Variants in WDR76 observed in about 807,000 individuals in gnomAD.
The protein encoded by WDR76 is WD repeat domain 76, also known as WD repeat-containing protein 76.
Under a neutral mutation model 70.2 loss-of-function variants are expected in WDR76, and 52 were observed. The ratio of observed to expected loss-of-function variants is 0.74; its 90% CI spans 0.59 to 0.93. WDR76 has a LOEUF of 0.93. Ranked by LOEUF, WDR76 falls within the 40% of genes least tolerant of loss-of-function variation. WDR76 has a pLI of 0.00. For missense variants in WDR76, 756 were observed against 760.2 expected (o/e 0.99, Z 0.07); for synonymous variants, 292 against 271.1 (o/e 1.08, Z -0.76).
At position 43,867,348 on chromosome 15, in the gene WDR76, A is replaced by C. The variant is rs2088086899; in HGVS notation, c.*956A>C. 1 of 152,160 alleles carries C rather than the reference A, an allele frequency of 6.6e-6. No homozygotes were observed. Among genetic ancestry groups the C allele is most frequent in the Non-Finnish European group, 1.5e-5 (1 of 68,038 alleles). 9.4% of individuals were successfully genotyped at this position (152,160 alleles called of 1,614,324 possible). On this transcript the variant is annotated 3_prime_UTR_variant, in exon 13 of 13. Coordinates refer to ENST00000263795, the MANE Select transcript of WDR76 (RefSeq NM_024908.4). ...GCCCTGGTCCCGGCATTCCAGTATAAGATTGCCTCAGACCTGTGTTTTTCA... is the reference window on the plus strand; with the variant it reads ...GCCCTGGTCCCGGCATTCCAGTATACGATTGCCTCAGACCTGTGTTTTTCA...
intron 5 of WDR76, among the ~76,000 whole-genome samples, chr15:43,840,603 G>A (rs1032706248): frequency 6.6e-6 from 1 of 152,116 alleles, no homozygotes; most frequent in Non-Finnish European, 1.5e-5. Context: ...CTGGTGTTTT[G>A]GGAGCAAATT....
At chr15:43,858,165 C>T (rs2087953179) in intron 10 of WDR76, among the ~76,000 whole-genome samples, 1 of 151,774 alleles carries the variant, frequency 6.6e-6, no homozygotes, top group Admixed American at 6.6e-5. Flanking sequence ...ACTCCTGACC[C>T]TGTGATCCAC....
Position 43,842,449 on chromosome 15 carries a change from C to A in WDR76, c.767C>A (p.Ser256Tyr). The change falls in exon 6 of 13, where the codon TCT (serine) becomes TAT (tyrosine). Residue 256 changes from serine (S) to tyrosine (Y), a missense_variant. Coordinates refer to ENST00000263795, the MANE Select transcript of WDR76 (RefSeq NM_024908.4). ...CCTCCTGGGCCTTTAGAAATGACTT[C>A]TGAAAATCAAGAAGACAACAATGAA... ...LLPPGPLEMT[S>Y]ENQEDNNERF... 6.2e-7 allele frequency: 1 copy of A among 1,613,990 alleles called. No individual in the cohort carries two copies. Among genetic ancestry groups the A allele is most frequent in the Non-Finnish European group, 8.5e-7 (1 of 1,179,992 alleles).
Position 43,866,177 on chromosome 15 carries a change from G to T in WDR76, c.1666G>T (p.Asp556Tyr). 6.2e-7 allele frequency: 1 copy of T among 1,614,154 alleles called. No homozygotes were observed. The change falls in exon 13 of 13, where the codon GAT (aspartate) becomes TAT (tyrosine). Residue 556 changes from aspartate (D) to tyrosine (Y), a missense_variant. By Grantham distance (160) the Asp-to-Tyr change is radical (BLOSUM62 -3). Transcript: ENST00000263795. ...RWLTRFQAMW[D>Y]PKQEDCVIVG... ...GCTGACCAGGTTCCAAGCCATGTGG[G>T]ATCCTAAACAAGAAGACTGTGTCAT...
intron 4 of WDR76, among the ~76,000 whole-genome samples, chr15:43,838,269 T>C (rs1482605162): frequency 2.0e-5 from 3 of 152,348 alleles, no homozygotes; most frequent in African/African-American, 7.2e-5. Context: ...CACTGCAGCC[T>C]CTGCCTCCCA....
At chr15:43,830,260 T>TACAGATGTGAGCCACTG (rs1186920169) in intron 2 of WDR76, among the ~76,000 whole-genome samples, 1 of 151,918 alleles carries the variant, frequency 6.6e-6, no homozygotes, top group Admixed American at 6.6e-5. Context: ...TTTGGCCTCT[T>TACAGATGTGAGCCACTG]AGACTGTAAG....
At chr15:43,856,603 C>CT (rs947724840) in intron 9 of WDR76, among the ~76,000 whole-genome samples, 2,239 of 131,718 alleles carry the variant, frequency 0.017, 25 homozygotes, top group Non-Finnish European at 0.024. Flanking sequence ...TGTTTTGTTT[C>CT]TTTTTTTTTT....
intron 12 of WDR76, among the ~76,000 whole-genome samples, chr15:43,862,276 C>CTTTTTTT: frequency 7.1e-5 from 3 of 42,164 alleles, no homozygotes; most frequent in East Asian, 6.9e-4. Flanking sequence ...TTATCAGTTT[C>CTTTTTTT]TTTTTTTTTT....
intron 9 of WDR76, among the ~76,000 whole-genome samples, chr15:43,852,918 C>A (rs1045677824): frequency 1.3e-5 from 2 of 152,068 alleles, no homozygotes; most frequent in African/African-American, 2.4e-5. Context: ...AACAGAGTCT[C>A]GCTCTTGTTG....
chr15:43,856,945 G>C lies in WDR76; in HGVS notation c.1192-1G>C. On this transcript the variant is annotated splice_acceptor_variant, in intron 9 of 12. Transcript: ENST00000263795. LOFTEE classifies it high-confidence loss of function. ...AAGCTGATTGTTACTTATATTCTTA[G>C]GTGTATAGAAATGAAAGAAGTAGCT... 1 of 1,612,518 alleles carries C rather than the reference G, an allele frequency of 6.2e-7. No individual in the cohort carries two copies. The highest frequency in any genetic ancestry group is 8.5e-7 in the Non-Finnish European group (1 of 1,179,034).
chr15:43,865,343 G>C (rs1404075212), intron 12 of WDR76, among the ~76,000 whole-genome samples: 1 of 152,092 alleles, frequency 6.6e-6, no homozygotes, highest in Non-Finnish European at 1.5e-5. Context: ...TGCAATCTTG[G>C]CTCACTGTAG....
At chr15:43,863,072 A>AG (rs1378604400) in intron 12 of WDR76, among the ~76,000 whole-genome samples, 12 of 152,146 alleles carry the variant, frequency 7.9e-5, no homozygotes, top group African/African-American at 2.9e-4. Flanking sequence ...AGTAGCTGGG[A>AG]CTACAGGCAT....
At chr15:43,848,474 C>T (rs964302607) in intron 8 of WDR76, among the ~76,000 whole-genome samples, 1 of 152,090 alleles carries the variant, frequency 6.6e-6, no homozygotes, top group Non-Finnish European at 1.5e-5. Flanking sequence ...TCCGATTTTT[C>T]CTCTTTTCAA....
intron 1 of WDR76, among the ~76,000 whole-genome samples, chr15:43,827,332 C>G (rs1315882629): frequency 6.6e-6 from 1 of 152,150 alleles, no homozygotes; most frequent in African/African-American, 2.4e-5. Flanking sequence ...CAGTTATGAT[C>G]GGCTTCACAC....
At position 43,858,663 on chromosome 15, in the gene WDR76, C is replaced by T. The variant is rs2087960169; in HGVS notation, c.1410-8C>T. The T allele has an allele frequency of 6.2e-7, 1 of 1,612,860 alleles. No individual in the cohort carries two copies. The highest frequency in any genetic ancestry group is 8.5e-7 in the Non-Finnish European group (1 of 1,179,472). On this transcript the variant is annotated splice_polypyrimidine_tract_variant and splice_region_variant and intron_variant, in intron 10 of 12. Transcript: ENST00000263795. ...TGGCAACATTGATCATTGTTTCTCC[C>T]ATTACAGGGATACTCATATTTATGA...
Position 43,836,156 on chromosome 15 carries a change from TAC to T in WDR76, c.553-3_553-2del. ...ACATTTTTACATGATTTTTATACTT[TAC>T]AGTCTGCTGCAAGACTCCGTGAAAT... On this transcript the variant is annotated splice_region_variant and splice_polypyrimidine_tract_variant and intron_variant, in intron 3 of 12. Coordinates refer to ENST00000263795, the MANE Select transcript of WDR76 (RefSeq NM_024908.4). 1 of 1,603,870 alleles carries T rather than the reference TAC, an allele frequency of 6.2e-7. No individual in the cohort carries two copies. The highest frequency in any genetic ancestry group is 1.1e-5 in the South Asian group (1 of 88,152).
chr15:43,827,875 T>G, intron 1 of WDR76, 90 bp from the exon 2 acceptor site: 1 of 1,321,824 alleles, frequency 7.6e-7, no homozygotes, highest in Non-Finnish European at 1.0e-6. Context: ...CTTTGGGAAA[T>G]GGGAATTATT....
intron 8 of WDR76, among the ~76,000 whole-genome samples, chr15:43,850,565 G>T (rs145513578): frequency 0.018 from 2,748 of 152,230 alleles, 86 homozygotes; most frequent in African/African-American, 0.061. Context: ...AAAGTGCTAG[G>T]ATTACAGGCG....
chr15:43,856,929 G>A lies in WDR76; in HGVS notation c.1192-17G>A, dbSNP rs775802199. On this transcript the variant is annotated splice_polypyrimidine_tract_variant and intron_variant, in intron 9 of 12. Coordinates refer to ENST00000263795, the MANE Select transcript of WDR76 (RefSeq NM_024908.4). ...AAGAAGAGTGTGATATAAGCTGATTGTTACTTATATTCTTAGGTGTATAGA... is the reference window on the plus strand; with the variant it reads ...AAGAAGAGTGTGATATAAGCTGATTATTACTTATATTCTTAGGTGTATAGA... The A allele has an allele frequency of 3.1e-6, 5 of 1,599,626 alleles. No individual in the cohort carries two copies. The highest frequency in any genetic ancestry group is 4.3e-6 in the Non-Finnish European group (5 of 1,169,988).
Sources: gnomAD v4.1 joint callset for allele counts (sites outside exome capture counted in the v4.1 genomes callset) on GRCh38, gnomAD v4.1.1 for gene constraint, MANE v1.5 for transcripts, NCBI Gene and HGNC (gene_info 2026-07-23, HGNC 2026-07-21) for gene names.